The following ACACA variants were observed in gnomAD, a reference collection of about 807,000 sequenced individuals.
ACACA encodes acetyl-CoA carboxylase 1.
A neutral mutation model predicts 296.1 loss-of-function variants in ACACA; 103 were observed. The observed-to-expected ratio is 0.35, with a 90% confidence interval of 0.30 to 0.41. ACACA has a LOEUF of 0.41. Ranked by LOEUF, ACACA falls within the 10% of genes least tolerant of loss-of-function variation. The pLI is 1.00. For missense variants in ACACA, 1,554 were observed against 2,989.7 expected (o/e 0.52, Z 11.20); for synonymous variants, 953 against 1,038.6 (o/e 0.92, Z 1.58).
chr17:37,152,465 C>CA (rs1275346916), intron 43 of ACACA, among the ~76,000 whole-genome samples: 2 of 152,160 alleles, frequency 1.3e-5, no homozygotes, highest in Non-Finnish European at 2.9e-5. Context: ...AAGCAAAGGT[C>CA]AAAATACTGA....
At chr17:37,336,927 G>A (rs2048146292) in intron 2 of ACACA, among the ~76,000 whole-genome samples, 1 of 152,162 alleles carries the variant, frequency 6.6e-6, no homozygotes, top group South Asian at 2.1e-4. Flanking sequence ...GGTGTAATTT[G>A]TGAGTCAGTT....
rs1431442639 is a variant in ACACA, at chr17:37,217,758, AAAAAAAC to A, written c.3683+3959_3683+3965del. 4.0e-3 allele frequency among the ~76,000 whole-genome samples: 539 copies of A among 135,262 alleles called. 19 individuals carry two copies. Among genetic ancestry groups the A allele is most frequent in the African/African-American group, 0.015 (466 of 30,606 alleles). The allele number at this position is 135,262 out of a possible 152,430, so 88.7% of individuals were successfully genotyped here. ...TCAAAAAAAAAAAAAAAAAAAAAAA[AAAAAAAC>A]AACCTGTTTTCTCCCCCAATAATTT... On this transcript the variant is annotated intron_variant, in intron 29 of 55. Transcript: ENST00000616317.
chr17:37,087,464 GAAGAA>G (rs2072283205), intron 55 of ACACA, 25 bp from the exon 56 acceptor site: 16 of 1,613,944 alleles, frequency 9.9e-6, no homozygotes, highest in Non-Finnish European at 1.4e-5. Flanking sequence ...TGAGAATGGT[GAAGAA>G]AAGAGAAGCA....
At chr17:37,303,236 A>C (rs749817267) in intron 3 of ACACA, among the ~76,000 whole-genome samples, 15 of 152,208 alleles carry the variant, frequency 9.9e-5, no homozygotes, top group Non-Finnish European at 1.8e-4. Context: ...CAGACATTTC[A>C]TATAAATGGA....
At chr17:37,224,950 G>C (rs2079471340) in intron 27 of ACACA, 42 bp downstream of exon 27, 3 of 905,988 alleles carry the variant, frequency 3.3e-6, no homozygotes, top group Non-Finnish European at 3.2e-6. Context: ...TAAGAGTCCA[G>C]ATAGGCAGGA....
chr17:37,382,068 CCT>C lies in ACACA; in HGVS notation c.38+24192_38+24193del, dbSNP rs1193035755. Reference sequence around the variant, plus strand: ...TTTTTCTTTTAATAAATTCTTTTCCCCTCTTTCACTATTACTCAGTATCTATA... The same window carrying C: ...TTTTTCTTTTAATAAATTCTTTTCCCCTTTCACTATTACTCAGTATCTATA... On this transcript the variant is annotated intron_variant, in intron 1 of 55. Transcript: ENST00000616317. Among the ~76,000 whole-genome samples the C allele has an allele frequency of 6.6e-5, 10 of 151,966 alleles. No homozygotes were observed. The South Asian group carries it at 1.5e-3, about 22-fold the overall frequency.
chr17:37,237,528 T>C lies in ACACA; in HGVS notation c.3122-2429A>G, dbSNP rs2080169731. On this transcript the variant is annotated intron_variant, in intron 24 of 55. Transcript: ENST00000616317. ...GATGTGACTTTTAAATTTTTGCCACTCTCATTGTGGTTTTGGTTTATATGC... is the reference window on the plus strand; with the variant it reads ...GATGTGACTTTTAAATTTTTGCCACCCTCATTGTGGTTTTGGTTTATATGC... Among the ~76,000 whole-genome samples the C allele has an allele frequency of 1.3e-5, 2 of 152,332 alleles. 1 individual carries two copies. Among genetic ancestry groups the C allele is most frequent in the Middle Eastern group, 6.8e-3 (2 of 294 alleles).
intron 11 of ACACA, among the ~76,000 whole-genome samples, chr17:37,260,290 ATATATATT>A (rs1300335779): frequency 1.5e-3 from 26 of 17,506 alleles, no homozygotes; most frequent in South Asian, 3.4e-3. Context: ...ATATATATAT[ATATATATT>A]TTTTTTTTTT....
chr17:37,155,640 T>C, intron 43 of ACACA, 43 bp downstream of exon 43: 1 of 1,328,642 alleles, frequency 7.5e-7, no homozygotes, highest in Non-Finnish European at 1.1e-6. Context: ...ATATTCTCCT[T>C]TCTTTAGTCA....
In ACACA at chr17:37,151,316, G is replaced by A; in HGVS notation, c.5553C>T (p.Ile1851=). 1.2e-6 allele frequency: 2 copies of A among 1,613,974 alleles called. No homozygotes were observed. Among genetic ancestry groups the A allele is most frequent in the Non-Finnish European group, 1.7e-6 (2 of 1,179,990 alleles). The change falls in exon 44 of 56, where the codon ATC becomes ATT. Residue 1851 remains isoleucine (I), a synonymous_variant. Transcript: ENST00000616317. ...AAAGATTTACCAGGCTGATGGTAAT[G>A]ATCTCATTATAGGCCAATGAGGATT... The part of the protein sequence containing the change: ...AGESSLAYNE[I]ITISLVTCRA...
chr17:37,226,972 C>T (rs1395049366), intron 25 of ACACA, among the ~76,000 whole-genome samples: 1 of 151,150 alleles, frequency 6.6e-6, no homozygotes, highest in Non-Finnish European at 1.5e-5. Context: ...TTTATAAACA[C>T]ACACTAACTA....
At chr17:37,367,547 T>C (rs2049651925) in intron 1 of ACACA, 1 of 152,180 alleles carries the variant, frequency 6.6e-6, no homozygotes, top group African/African-American at 2.4e-5. Flanking sequence ...AGTTTCCTTA[T>C]CTATATTATA....
intron 16 of ACACA, 134 bp downstream of exon 16, chr17:37,251,870 AC>A: frequency 1.2e-6 from 1 of 851,048 alleles, no homozygotes; most frequent in South Asian, 1.4e-5. Context: ...CTTTCTTGCC[AC>A]CATGGTCCAT....
chr17:37,183,554 C>T (rs752067141), intron 39 of ACACA, among the ~76,000 whole-genome samples: 8 of 152,214 alleles, frequency 5.3e-5, no homozygotes, highest in Admixed American at 3.9e-4. Flanking sequence ...GAGGGCCGGG[C>T]GCAGTGGCTC....
intron 3 of ACACA, among the ~76,000 whole-genome samples, chr17:37,310,192 T>C (rs1051067704): frequency 6.6e-6 from 1 of 152,144 alleles, no homozygotes; most frequent in Non-Finnish European, 1.5e-5. Flanking sequence ...ACTAAGGTGA[T>C]TGCAAGTGAA....
At chr17:37,389,233 T>G in intron 1 of ACACA, 1 of 1,567,930 alleles carries the variant, frequency 6.4e-7, no homozygotes, top group Middle Eastern at 1.7e-4. Context: ...TACCAGTCAT[T>G]TTCTCCCTTC....
intron 29 of ACACA, among the ~76,000 whole-genome samples, chr17:37,213,890 A>G (rs1474250215): frequency 6.6e-6 from 1 of 151,994 alleles, no homozygotes; most frequent in East Asian, 1.9e-4. Context: ...CCTTTTTACC[A>G]TCCCTTCCAG....
intron 29 of ACACA, among the ~76,000 whole-genome samples, chr17:37,211,220 A>C (rs764463857): frequency 6.6e-6 from 1 of 152,246 alleles, no homozygotes; most frequent in Non-Finnish European, 1.5e-5. Context: ...GTTTAGGGTC[A>C]TAATGATTTT....
chr17:37,279,627 C>G (rs1314121932), intron 5 of ACACA, among the ~76,000 whole-genome samples: 1 of 145,088 alleles, frequency 6.9e-6, no homozygotes, highest in African/African-American at 2.6e-5. Context: ...ACCTGGGTGA[C>G]AGAGCAAGAC....
Sources: allele counts gnomAD v4.1 joint callset (sites outside exome capture counted in the v4.1 genomes callset), GRCh38; gene constraint gnomAD v4.1.1; transcripts MANE v1.5; gene names NCBI Gene and HGNC (gene_info 2026-07-23, HGNC 2026-07-21).